The following STAT5A variants were observed in gnomAD, a reference collection of about 807,000 sequenced individuals.
The protein encoded by STAT5A is signal transducer and activator of transcription 5A.
A neutral mutation model predicts 100.2 loss-of-function variants in STAT5A; 26 were observed. The observed-to-expected ratio is 0.26, with a 90% CI of 0.19 to 0.36. STAT5A has a LOEUF of 0.36. STAT5A is among the 10% of genes least tolerant of loss of function. The pLI is 1.00. For missense variants in STAT5A, 634 were observed against 1,027.5 expected (o/e 0.62, Z 5.24); for synonymous variants, 330 against 424.3 (o/e 0.78, Z 2.73).
chr17:42,300,608 T>A, intron 7 of STAT5A, 107 bp from the exon 8 acceptor site: 2 of 1,414,042 alleles, frequency 1.4e-6, no homozygotes, highest in Non-Finnish European at 1.9e-6. Flanking sequence ...GTGGGAAGTG[T>A]GGCGAAAGCA....
intron 4 of STAT5A, among the ~76,000 whole-genome samples, chr17:42,293,592 T>C (rs2080891887): frequency 6.6e-6 from 1 of 152,256 alleles, no homozygotes; most frequent in African/African-American, 2.4e-5. Context: ...GATGCTGGGC[T>C]ATCATCAGAG....
chr17:42,294,906 T>TC (rs964571286), intron 4 of STAT5A, among the ~76,000 whole-genome samples: 11 of 152,082 alleles, frequency 7.2e-5, no homozygotes, highest in African/African-American at 2.4e-4. Flanking sequence ...TCTCTATTTT[T>TC]TTTTTTTTTG....
rs1567693569 is a variant in STAT5A, at chr17:42,306,283, C to G, written c.1516C>G (p.Gln506Glu). 1 of 1,614,090 alleles carries G rather than the reference C, an allele frequency of 6.2e-7. No homozygotes were observed. Among genetic ancestry groups the G allele is most frequent in the East Asian group, 2.2e-5 (1 of 44,888 alleles). ...FAVPDKVLWP[Q>E]LCEALNMKFK... ...CGTGCCTGACAAAGTGCTGTGGCCG[C>G]AGCTGTGTGAGGCGCTCAACATGAA... Residue 506 changes from glutamine (Q) to glutamate (E), a missense_variant, in exon 13 of 19, where the codon CAG (glutamine) becomes GAG (glutamate). Physicochemically the swap from Gln to Glu is conservative, Grantham distance 29. This residue lies in a region of STAT5A where 210 missense variants were observed against 428.4 expected (regional missense o/e 0.49). Transcript: ENST00000590949.
At position 42,310,774 on chromosome 17, in the gene STAT5A, G is replaced by A; in HGVS notation, c.*105G>A. On this transcript the variant is annotated 3_prime_UTR_variant, in exon 19 of 19. Coordinates refer to ENST00000590949, the MANE Select transcript of STAT5A (RefSeq NM_001288718.2). ...CACTGACACCTTTGCAGGCATGCAT[G>A]TGCTTGTGTGTGTGTGTGTGTGTGT... The A allele has an allele frequency of 1.3e-6, 2 of 1,517,106 alleles. No individual in the cohort carries two copies. The highest frequency in any genetic ancestry group is 4.7e-5 in the East Asian group (2 of 42,544). 94.0% of individuals were successfully genotyped at this position (1,517,106 alleles called of 1,614,324 possible). A position where few individuals can be genotyped will look rare whatever the true frequency, so the allele number is the denominator to read the frequency against.
chr17:42,299,319 A>C (rs1166293427), intron 5 of STAT5A, among the ~76,000 whole-genome samples: 1 of 152,234 alleles, frequency 6.6e-6, no homozygotes, highest in Non-Finnish European at 1.5e-5. Context: ...GGTGCTGAGA[A>C]TCTCCCGTTT....
Position 42,308,449 on chromosome 17 carries a change from C to G in STAT5A, c.2062+116C>G. ...CCCAGGAGGAGCCTAGGGGCCATGTCCCCTGTGGGTTTTGGCCCATGGGGT... is the reference window on the plus strand; with the variant it reads ...CCCAGGAGGAGCCTAGGGGCCATGTGCCCTGTGGGTTTTGGCCCATGGGGT... On this transcript the variant is annotated intron_variant, in intron 16 of 18. Transcript: ENST00000590949. The surrounding 1 kb of genome is among the most constrained non-coding windows in gnomAD (Gnocchi z 4.6). 2.7e-6 allele frequency: 4 copies of G among 1,469,372 alleles called. No individual in the cohort carries two copies. The South Asian group carries it at 4.8e-5, about 18-fold the overall frequency. 91.0% of individuals were successfully genotyped at this position (1,469,372 alleles called of 1,614,324 possible). A position where few individuals can be genotyped will look rare whatever the true frequency, so the allele number is the denominator to read the frequency against.
chr17:42,307,827 A>G, intron 15 of STAT5A, 104 bp downstream of exon 15: 1 of 1,495,522 alleles, frequency 6.7e-7, no homozygotes, highest in Admixed American at 2.0e-5. Flanking sequence ...GAAGGTACCC[A>G]GCGGGAAGCT....
chr17:42,298,846 A>G (rs561898763), intron 5 of STAT5A, among the ~76,000 whole-genome samples: 8 of 152,286 alleles, frequency 5.3e-5, no homozygotes, highest in African/African-American at 1.7e-4. Flanking sequence ...CCCGCCATCA[A>G]TGAGACTCCT....
In STAT5A at chr17:42,311,514, G is replaced by A. The variant is rs2081081805; in HGVS notation, c.*845G>A. On this transcript the variant is annotated 3_prime_UTR_variant, in exon 19 of 19. Transcript: ENST00000590949. ...AAGAGGTAGAAAAGATTGGGTCTAG[G>A]ATATGGTGGGTGGACAGGGGCCCCG... is the stretch of plus-strand genomic sequence containing the variant. 1 of 152,420 alleles carries A rather than the reference G, an allele frequency of 6.6e-6. No individual in the cohort carries two copies. The highest frequency in any genetic ancestry group is 1.5e-5 in the Non-Finnish European group (1 of 68,104). The allele number at this position is 152,420 out of a possible 1,614,324, so 9.4% of individuals were successfully genotyped here.
intron 5 of STAT5A, among the ~76,000 whole-genome samples, chr17:42,296,052 A>G (rs1352771717): frequency 1.3e-5 from 2 of 152,208 alleles, no homozygotes; most frequent in Non-Finnish European, 2.9e-5. Context: ...GTGAGGTTCA[A>G]AGAGAACAAG....
intron 8 of STAT5A, 88 bp from the exon 9 acceptor site, chr17:42,301,187 G>T (rs2080974830): frequency 6.4e-7 from 1 of 1,554,840 alleles, no homozygotes; most frequent in South Asian, 1.2e-5. Context: ...CCCCATGGGA[G>T]GCAGCCCCAC....
rs1215950956 is a variant in STAT5A, at chr17:42,306,467, G to T, written c.1680+20G>T. On this transcript the variant is annotated intron_variant, in intron 13 of 18. Transcript: ENST00000590949. Reference sequence around the variant, plus strand: ...AACAGGGTGAGGGGCCCAGCTGCCAGCCGCCCACCAGGGCCCACCGGGGTC... The same window carrying T: ...AACAGGGTGAGGGGCCCAGCTGCCATCCGCCCACCAGGGCCCACCGGGGTC... 6.2e-7 allele frequency: 1 copy of T among 1,600,760 alleles called. No individual in the cohort carries two copies. Among genetic ancestry groups the T allele is most frequent in the South Asian group, 1.1e-5 (1 of 89,352 alleles).
At chr17:42,307,352 AC>A in intron 13 of STAT5A, 49 bp from the exon 14 acceptor site, 1 of 1,590,664 alleles carries the variant, frequency 6.3e-7, no homozygotes, top group Non-Finnish European at 8.6e-7. Context: ...TTCCTGGGCC[AC>A]CTGTGACCTG....
chr17:42,304,782 T>TTA lies in STAT5A; in HGVS notation c.1380+133_1380+134dup. ...ACTCTGTGGGTCCCTGTTTGATAGGTTATAATCTGGGACTAACCCAGACAA... is the reference window on the plus strand; with the variant it reads ...ACTCTGTGGGTCCCTGTTTGATAGGTTATATAATCTGGGACTAACCCAGACAA... On this transcript the variant is annotated intron_variant, in intron 11 of 18. Transcript: ENST00000590949. This position sits in a 1 kb window ranked among gnomAD's most constrained non-coding sequence, Gnocchi z 4.8. 2.1e-6 allele frequency: 3 copies of TTA among 1,434,066 alleles called. No individual in the cohort carries two copies. The highest frequency in any genetic ancestry group is 1.9e-6 in the Non-Finnish European group (2 of 1,056,356). The allele number at this position is 1,434,066 out of a possible 1,614,324, so 88.8% of individuals were successfully genotyped here.
intron 13 of STAT5A, 120 bp downstream of exon 13, chr17:42,306,567 C>T: frequency 1.3e-6 from 2 of 1,483,558 alleles, no homozygotes; most frequent in Non-Finnish European, 1.8e-6. Flanking sequence ...CCACTCTCTC[C>T]TACAACCAGG....
chr17:42,303,329 G>C (rs1459982659), intron 9 of STAT5A, among the ~76,000 whole-genome samples: 1 of 152,194 alleles, frequency 6.6e-6, no homozygotes, highest in Non-Finnish European at 1.5e-5. Flanking sequence ...CTTTGAGCTT[G>C]CATTGCAGCT....
At chr17:42,296,482 A>G (rs1185321574) in intron 5 of STAT5A, among the ~76,000 whole-genome samples, 4 of 152,222 alleles carry the variant, frequency 2.6e-5, no homozygotes, top group Non-Finnish European at 4.4e-5. Flanking sequence ...CCCATCTATT[A>G]ATATGTCCCA....
intron 4 of STAT5A, among the ~76,000 whole-genome samples, chr17:42,294,376 T>C (rs1330569628): frequency 6.6e-6 from 1 of 152,194 alleles, no homozygotes; most frequent in East Asian, 1.9e-4. Flanking sequence ...TGTCATGGTC[T>C]GGGAGCTCAT....
At chr17:42,309,146 C>T (rs1278621706) in intron 17 of STAT5A, 48 bp downstream of exon 17, 1 of 1,612,492 alleles carries the variant, frequency 6.2e-7, no homozygotes, top group Non-Finnish European at 8.5e-7. Context: ...TTTCCTCCTC[C>T]CCCAGACCCT....
Sources: gnomAD v4.1 joint callset for allele counts (sites outside exome capture counted in the v4.1 genomes callset) on GRCh38, gnomAD v4.1.1 for gene constraint, gnomAD v4.1.1 regional missense constraint, Gnocchi (gnomAD v3.1) non-coding constraint, MANE v1.5 for transcripts, NCBI Gene and HGNC (gene_info 2026-07-23, HGNC 2026-07-21) for gene names.